The following BCL2 variants were observed in gnomAD, a reference collection of about 807,000 sequenced individuals.
BCL2 encodes the protein apoptosis regulator Bcl-2.
In BCL2, 1 loss-of-function variant was observed where a neutral mutation model predicts 14.2. The ratio of observed to expected loss-of-function variants is 0.07; its 90% CI spans 0.02 to 0.33. The LOEUF (loss-of-function observed/expected upper bound fraction) is 0.33, where lower values mean the gene tolerates loss of function less well. Ranked by LOEUF, BCL2 falls within the 10% of genes least tolerant of loss-of-function variation. The pLI, the probability that BCL2 is intolerant of heterozygous loss-of-function variation, is 0.99. For synonymous variants in BCL2, 151 were observed against 137.2 expected (o/e 1.10, Z -0.70); for missense variants, 247 against 305.9 (o/e 0.81, Z 1.44).
At chr18:63,239,502 G>GA (rs1279840969) in intron 2 of BCL2, among the ~76,000 whole-genome samples, 1 of 152,182 alleles carries the variant, frequency 6.6e-6, no homozygotes. Context: ...AGCCCTTTGG[G>GA]AGGCCAAGAT....
chr18:63,263,126 G>A (rs1911709606), intron 2 of BCL2, among the ~76,000 whole-genome samples: 1 of 152,182 alleles, frequency 6.6e-6, no homozygotes, highest in Non-Finnish European at 1.5e-5. Context: ...AGGGGGCAGC[G>A]AGGGTGGACG....
At chr18:63,134,689 C>T (rs895573816) in intron 2 of BCL2, among the ~76,000 whole-genome samples, 1 of 152,208 alleles carries the variant, frequency 6.6e-6, no homozygotes, top group African/African-American at 2.4e-5. Context: ...CCCCAAAGAG[C>T]TTACACTCTA....
rs545645660 is a variant in BCL2, at chr18:63,192,379, G to A, written c.586-63620C>T. Among the ~76,000 whole-genome samples the A allele has an allele frequency of 4.6e-5, 7 of 152,328 alleles. No individual in the cohort carries two copies. In the South Asian group the frequency reaches 1.0e-3, roughly 23 times the overall value. On this transcript the variant is annotated intron_variant, in intron 2 of 2. Transcript: ENST00000333681. The stretch of plus-strand genomic sequence containing the variant: ...AGCAATGGGGGAGTGTGCAGTTGGT[G>A]AGAGCTGAGGCTTGAGAATCAGTGC...
intron 2 of BCL2, among the ~76,000 whole-genome samples, chr18:63,180,960 C>T (rs1915469034): frequency 6.6e-6 from 1 of 152,210 alleles, no homozygotes; most frequent in Non-Finnish European, 1.5e-5. Flanking sequence ...CGCTTTGATT[C>T]ATTGTGATCC....
intron 2 of BCL2, among the ~76,000 whole-genome samples, chr18:63,180,509 C>A (rs1166233346): frequency 6.6e-6 from 1 of 150,690 alleles, no homozygotes; most frequent in African/African-American, 2.4e-5. Flanking sequence ...GCTGTCCGCC[C>A]ACCCCACCCC....
chr18:63,208,940 A>G (rs1428432617), intron 2 of BCL2, among the ~76,000 whole-genome samples: 1 of 151,960 alleles, frequency 6.6e-6, no homozygotes. Flanking sequence ...AGATCACCTG[A>G]CCTCCACGTG....
chr18:63,266,857 T>C (rs1368632807), intron 2 of BCL2, among the ~76,000 whole-genome samples: 1 of 152,148 alleles, frequency 6.6e-6, no homozygotes, highest in East Asian at 1.9e-4. Context: ...AAGGAATATA[T>C]GTAAAGCCTT....
chr18:63,212,090 G>GATCCA (rs879486064), intron 2 of BCL2, among the ~76,000 whole-genome samples: 1 of 152,122 alleles, frequency 6.6e-6, no homozygotes, highest in Non-Finnish European at 1.5e-5. Context: ...CACTTTGGGA[G>GATCCA]GCTGAGGCAG....
At chr18:63,260,845 A>C (rs189132675) in intron 2 of BCL2, among the ~76,000 whole-genome samples, 2 of 152,346 alleles carry the variant, frequency 1.3e-5, no homozygotes, top group Non-Finnish European at 2.9e-5. Context: ...GAGCTGGATC[A>C]GGAAAAAAAA....
At chr18:63,178,440 T>C (rs538442924) in intron 2 of BCL2, among the ~76,000 whole-genome samples, 2 of 152,192 alleles carry the variant, frequency 1.3e-5, no homozygotes, top group East Asian at 3.9e-4. Context: ...TGGGCGAAGG[T>C]TCTCAGAGCA....
At position 63,155,091 on chromosome 18, in the gene BCL2, A is replaced by G. The variant is rs182169415; in HGVS notation, c.586-26332T>C. Among the ~76,000 whole-genome samples the G allele has an allele frequency of 6.6e-5, 10 of 152,270 alleles. 1 individual carries two copies. Among genetic ancestry groups the G allele is most frequent in the Admixed American group, 3.9e-4 (6 of 15,298 alleles). ...TCTGAGCCTCAACTTATTCATCTAT[A>G]AGAATAAGAGGACGCTACAACATCA... On this transcript the variant is annotated intron_variant, in intron 2 of 2. Transcript: ENST00000333681.
At chr18:63,227,705 A>G (rs939911874) in intron 2 of BCL2, among the ~76,000 whole-genome samples, 2 of 152,270 alleles carry the variant, frequency 1.3e-5, no homozygotes, top group Non-Finnish European at 2.9e-5. Context: ...TTCCAAATAT[A>G]TGAGTAATCA....
At chr18:63,317,812 C>G (rs1197896963) in intron 2 of BCL2, 1 of 1,344,992 alleles carries the variant, frequency 7.4e-7, no homozygotes, top group African/African-American at 1.5e-5. Flanking sequence ...TACCATTTAC[C>G]ACCACATCCT....
chr18:63,223,453 T>C (rs1052750086), intron 2 of BCL2, among the ~76,000 whole-genome samples: 5 of 152,030 alleles, frequency 3.3e-5, no homozygotes, highest in Non-Finnish European at 7.4e-5. Context: ...AAGAATCAGT[T>C]AGATCCCTGG....
intron 2 of BCL2, among the ~76,000 whole-genome samples, chr18:63,211,680 T>C (rs375901106): frequency 5.9e-5 from 9 of 152,310 alleles, no homozygotes; most frequent in Admixed American, 2.0e-4. Context: ...TCGACGATAG[T>C]ATGTGTTGTT....
chr18:63,169,390 T>TC (rs1194973293), intron 2 of BCL2, among the ~76,000 whole-genome samples: 4 of 70,360 alleles, frequency 5.7e-5, no homozygotes, highest in South Asian at 5.9e-4. Flanking sequence ...TTTCTTTCTT[T>TC]TTCTTTCTTT....
At chr18:63,227,502 G>A (rs918759006) in intron 2 of BCL2, among the ~76,000 whole-genome samples, 7 of 152,234 alleles carry the variant, frequency 4.6e-5, no homozygotes, top group African/African-American at 1.4e-4. Flanking sequence ...TAGCCACCAC[G>A]CCCAGCTCTC....
At chr18:63,266,635 TCTCA>T (rs1311366476) in intron 2 of BCL2, among the ~76,000 whole-genome samples, 1,506 of 136,462 alleles carry the variant, frequency 0.011, 10 homozygotes, top group Middle Eastern at 0.033. Flanking sequence ...TCTCTCTCTC[TCTCA>T]CACACACACA....
intron 2 of BCL2, among the ~76,000 whole-genome samples, chr18:63,271,189 T>A (rs1022902405): frequency 6.6e-6 from 1 of 152,174 alleles, no homozygotes; most frequent in Non-Finnish European, 1.5e-5. Flanking sequence ...GCAAAAGAGA[T>A]ATATAGTTAA....
Sources: allele counts gnomAD v4.1 joint callset (sites outside exome capture counted in the v4.1 genomes callset), GRCh38; gene constraint gnomAD v4.1.1; transcripts MANE v1.5; gene names NCBI Gene and HGNC (gene_info 2026-07-23, HGNC 2026-07-21).